RPS6KA3: variants seen among roughly 807,000 people sequenced by gnomAD.
The protein encoded by RPS6KA3 is ribosomal protein S6 kinase alpha-3.
Under a neutral mutation model 67.2 loss-of-function variants are expected in RPS6KA3, and 4 were observed. That is an observed-to-expected ratio of 0.06 (90% CI 0.03 to 0.14). The LOEUF is 0.14. Among genes scored for constraint, RPS6KA3 ranks in the 10% least tolerant of loss-of-function variants. The pLI, the probability that RPS6KA3 is intolerant of heterozygous loss-of-function variation, is 1.00. For synonymous variants in RPS6KA3, 182 were observed against 183.7 expected, an observed-to-expected ratio of 0.99 and a Z score of 0.07; for missense variants, 204 against 559.0, an observed-to-expected ratio of 0.36 and a Z score of 6.40.
In RPS6KA3 at chrX:20,261,849, T is replaced by C. The variant is rs762259600; in HGVS notation, c.69+4715A>G. Among the ~76,000 whole-genome samples the C allele has an allele frequency of 9.2e-4, 104 of 112,468 alleles. 1 individual carries two copies. The highest frequency in any genetic ancestry group is 4.7e-3 in the East Asian group (17 of 3,617). ...TCTCCAGGTTAATGATACAGGTCAC[T>C]GTATTAATTCCAAAAGAACACACTG... On this transcript the variant is annotated intron_variant, in intron 1 of 21. Coordinates refer to ENST00000379565, the MANE Select transcript of RPS6KA3 (RefSeq NM_004586.3).
chrX:20,228,978 G>A (rs1055246199), intron 2 of RPS6KA3, among the ~76,000 whole-genome samples: 1 of 111,712 alleles, frequency 9.0e-6, no homozygotes, highest in Non-Finnish European at 1.9e-5. Flanking sequence ...CTGTAACAAC[G>A]AATGTAGCAG....
intron 2 of RPS6KA3, among the ~76,000 whole-genome samples, chrX:20,211,684 C>G (rs116750480): frequency 0.023 from 2,539 of 111,248 alleles, 78 homozygotes; most frequent in African/African-American, 0.079. Flanking sequence ...AGTGCTGTCA[C>G]GTCACACTCT....
chrX:20,164,349 C>T (rs746683014), intron 18 of RPS6KA3, among the ~76,000 whole-genome samples: 189 of 106,956 alleles, frequency 1.8e-3, no homozygotes, highest in African/African-American at 5.7e-3. Context: ...TAGGGAATAC[C>T]GGAGCAGGTA....
chrX:20,223,255 T>C (rs2069027924), intron 2 of RPS6KA3, among the ~76,000 whole-genome samples: 1 of 111,803 alleles, frequency 8.9e-6, no homozygotes, highest in Non-Finnish European at 1.9e-5. Flanking sequence ...TAACTCATTT[T>C]CGGGACTATG....
Position 20,172,667 on chromosome X carries a change from G to A in RPS6KA3, c.1353+79C>T, listed in dbSNP as rs2067601168. 3.4e-6 allele frequency: 3 copies of A among 876,113 alleles called. No homozygotes were observed. The East Asian group carries it at 1.0e-4, about 30-fold the overall frequency. 72.2% of individuals were successfully genotyped at this position (876,113 alleles called of 1,213,427 possible). A position where few individuals can be genotyped will look rare whatever the true frequency, so the allele number is the denominator to read the frequency against. On this transcript the variant is annotated intron_variant, in intron 15 of 21. Coordinates refer to ENST00000379565, the MANE Select transcript of RPS6KA3 (RefSeq NM_004586.3). ...TAACAAAAGGCACTTTTAACAACAA[G>A]GGGAGTGTAATTTTTAACTGGTACT... is the stretch of plus-strand genomic sequence containing the variant.
intron 10 of RPS6KA3, among the ~76,000 whole-genome samples, chrX:20,181,383 GGGA>G (rs2067839366): frequency 9.0e-6 from 1 of 110,892 alleles, no homozygotes; most frequent in Non-Finnish European, 1.9e-5. Context: ...AAACTATGGA[GGGA>G]GGGAGTGGCC....
intron 1 of RPS6KA3, among the ~76,000 whole-genome samples, chrX:20,247,474 C>A (rs1416763769): frequency 9.1e-6 from 1 of 110,084 alleles, no homozygotes; most frequent in Non-Finnish European, 1.9e-5. Flanking sequence ...TTAGAGAAAC[C>A]TAAGGAAATT....
chrX:20,169,107 C>A (rs918226191), intron 16 of RPS6KA3, among the ~76,000 whole-genome samples: 2 of 112,185 alleles, frequency 1.8e-5, no homozygotes, highest in African/African-American at 6.5e-5. Context: ...CCTGCCTCAG[C>A]CTCCCAAAGT....
At chrX:20,230,971 T>C (rs757809175) in intron 2 of RPS6KA3, among the ~76,000 whole-genome samples, 26 of 111,232 alleles carry the variant, frequency 2.3e-4, no homozygotes, top group Non-Finnish European at 2.5e-4. Flanking sequence ...TATAACTTTT[T>C]TTTTTTCAGA....
chrX:20,257,896 T>C (rs1051645913), intron 1 of RPS6KA3, among the ~76,000 whole-genome samples: 1 of 111,901 alleles, frequency 8.9e-6, no homozygotes, highest in African/African-American at 3.2e-5. Flanking sequence ...AGTAAAACTA[T>C]TAAAGCTGTA....
intron 1 of RPS6KA3, among the ~76,000 whole-genome samples, chrX:20,260,793 T>G (rs1018573501): frequency 8.9e-6 from 1 of 111,795 alleles, no homozygotes; most frequent in Non-Finnish European, 1.9e-5. Context: ...AGACATTATT[T>G]TCATCCCTAT....
intron 15 of RPS6KA3, among the ~76,000 whole-genome samples, chrX:20,169,760 T>C (rs981973424): frequency 4.5e-5 from 5 of 111,741 alleles, no homozygotes; most frequent in Admixed American, 2.9e-4. Flanking sequence ...AGTTTAGGAC[T>C]TAACCAAAAA....
At chrX:20,188,116 C>A in intron 8 of RPS6KA3, 146 bp from the exon 9 acceptor site, 1 of 547,228 alleles carries the variant, frequency 1.8e-6, no homozygotes, top group Non-Finnish European at 3.0e-6. Flanking sequence ...CTCTGTCACC[C>A]AGGCTGGAGT....
In RPS6KA3 at chrX:20,264,887, T is replaced by C. The variant is rs1272984336; in HGVS notation, c.69+1677A>G. 2.7e-5 allele frequency among the ~76,000 whole-genome samples: 3 copies of C among 112,245 alleles called. No homozygotes were observed. In the East Asian group the frequency reaches 8.3e-4, roughly 31 times the overall value. On this transcript the variant is annotated intron_variant, in intron 1 of 21. Coordinates refer to ENST00000379565, the MANE Select transcript of RPS6KA3 (RefSeq NM_004586.3). The stretch of plus-strand genomic sequence containing the variant: ...TTAACCTTTTAGCTATATTATTTAA[T>C]GCAAAAAATTTTCTGGGGAAAAATA...
chrX:20,259,650 A>C (rs1055148074), intron 1 of RPS6KA3, among the ~76,000 whole-genome samples: 1 of 111,419 alleles, frequency 9.0e-6, no homozygotes, highest in African/African-American at 3.3e-5. Context: ...TCTGCAAAGC[A>C]CTTTGTGTCC....
chrX:20,260,250 G>A (rs963203628), intron 1 of RPS6KA3, among the ~76,000 whole-genome samples: 1 of 111,310 alleles, frequency 9.0e-6, no homozygotes, highest in Non-Finnish European at 1.9e-5. Flanking sequence ...ATCTTCAAGA[G>A]GTAGACATAC....
chrX:20,233,092 C>T (rs749248307), intron 2 of RPS6KA3, among the ~76,000 whole-genome samples: 15 of 110,866 alleles, frequency 1.4e-4, no homozygotes, highest in Non-Finnish European at 2.5e-4. Flanking sequence ...GCTGAGATCA[C>T]ACCACTGCAC....
chrX:20,209,323 G>A lies in RPS6KA3; in HGVS notation c.208C>T (p.Leu70Phe), dbSNP rs1274506228. 1 of 1,195,737 alleles carries A rather than the reference G, an allele frequency of 8.4e-7. No individual in the cohort carries two copies. Among genetic ancestry groups the A allele is most frequent in the Admixed American group, 2.2e-5 (1 of 45,979 alleles). ...GATCCCTGCCCTAATACTTTTAAAA[G>A]TTCAAACTGGGAAGGATCTGCCTTT... ...HEKADPSQFELLKVLGQGSFG... is the reference protein window; with the variant it reads ...HEKADPSQFEFLKVLGQGSFG... The change falls in exon 3 of 22, where the codon CTT (leucine) becomes TTT (phenylalanine). Residue 70 changes from leucine to phenylalanine, a missense_variant. Coordinates refer to ENST00000379565, the MANE Select transcript of RPS6KA3 (RefSeq NM_004586.3).
At position 20,155,367 on chromosome X, in the gene RPS6KA3, C is replaced by T. The variant is rs769333991; in HGVS notation, c.*31G>A. On this transcript the variant is annotated 3_prime_UTR_variant, in exon 22 of 22. Coordinates refer to ENST00000379565, the MANE Select transcript of RPS6KA3 (RefSeq NM_004586.3). ...CCAGAACTTGTGCTATCAGCTTACA[C>T]CATGGTACCAAATATCTCACTGAGG... The T allele has an allele frequency of 2.5e-6, 3 of 1,206,881 alleles. No individual in the cohort carries two copies. Among genetic ancestry groups the T allele is most frequent in the East Asian group, 3.0e-5 (1 of 33,697 alleles).
Sources: gnomAD v4.1 joint callset for allele counts (sites outside exome capture counted in the v4.1 genomes callset) on GRCh38, gnomAD v4.1.1 for gene constraint, MANE v1.5 for transcripts, NCBI Gene and HGNC (gene_info 2026-07-23, HGNC 2026-07-21) for gene names.